The following FOXP1 variants were observed in gnomAD, a reference collection of about 807,000 sequenced individuals.
FOXP1 encodes forkhead box P1.
Under a neutral mutation model 98.2 loss-of-function variants are expected in FOXP1, and 15 were observed. That is an observed-to-expected ratio of 0.15 (90% CI 0.10 to 0.24). FOXP1 has a LOEUF of 0.24. FOXP1 is among the 10% of genes least tolerant of loss of function. The probability of loss-of-function intolerance (pLI) is 1.00; values close to 1 mark genes in which losing one functional copy is unlikely to be tolerated. For synonymous variants in FOXP1, 371 were observed against 314.5 expected (o/e 1.18, Z -1.90); for missense variants, 633 against 848.5 (o/e 0.75, Z 3.15).
At chr3:71,311,309 C>T (rs544168985) in intron 4 of FOXP1, among the ~76,000 whole-genome samples, 8 of 152,216 alleles carry the variant, frequency 5.3e-5, no homozygotes, top group Admixed American at 2.6e-4. Flanking sequence ...AGGCTGGTGT[C>T]GAATTCCTGG....
intron 2 of FOXP1, among the ~76,000 whole-genome samples, chr3:71,555,138 A>G (rs1046840733): frequency 6.6e-6 from 1 of 152,244 alleles, no homozygotes; most frequent in Non-Finnish European, 1.5e-5. Context: ...TGACAAAACC[A>G]TAAAACCTAC....
chr3:71,543,624 T>C (rs539945931), intron 2 of FOXP1: 1 of 152,372 alleles, frequency 6.6e-6, no homozygotes, highest in Admixed American at 6.5e-5. Context: ...TACGTGACTC[T>C]CAGCTAGCCG....
chr3:71,486,969 G>C (rs1348082456), intron 3 of FOXP1, among the ~76,000 whole-genome samples: 1 of 152,094 alleles, frequency 6.6e-6, no homozygotes, highest in Admixed American at 6.5e-5. Context: ...TAAGAAACTT[G>C]CCCTGCACCG....
chr3:71,317,799 G>A lies in FOXP1; in HGVS notation c.-72-17919C>T, dbSNP rs535531354. Among the ~76,000 whole-genome samples the A allele has an allele frequency of 2.6e-5, 4 of 151,188 alleles. No homozygotes were observed. The South Asian group carries it at 8.4e-4, about 32-fold the overall frequency. On this transcript the variant is annotated intron_variant, in intron 4 of 20. Transcript: ENST00000649528. ...GTCCCAAAGAACATATGTTCCTGAG[G>A]AAGAAAAAAAACCAGGCTCTAGAAC...
intron 11 of FOXP1, among the ~76,000 whole-genome samples, chr3:71,030,754 C>A (rs1265001415): frequency 2.0e-5 from 3 of 152,120 alleles, no homozygotes; most frequent in African/African-American, 7.2e-5. Flanking sequence ...TCTGTACAGT[C>A]CTCTAATTTA....
At chr3:71,313,330 A>AT (rs2074838112) in intron 4 of FOXP1, among the ~76,000 whole-genome samples, 2 of 151,824 alleles carry the variant, frequency 1.3e-5, no homozygotes, top group Admixed American at 1.3e-4. Context: ...AAGTGCTGGG[A>AT]TTACAGGCGT....
chr3:71,406,405 G>GTATGTGTATATATATATATA (rs2082336447), intron 3 of FOXP1, among the ~76,000 whole-genome samples: 1 of 105,948 alleles, frequency 9.4e-6, no homozygotes. Context: ...AACTGTATGT[G>GTATGTGTATATATATATATA]TATATATATA....
rs578153723 is a variant in FOXP1 at position 71,446,322 on chromosome 3, T to C, written c.-168+47104A>G. Among the ~76,000 whole-genome samples the C allele has an allele frequency of 1.1e-4, 16 of 152,184 alleles. No individual in the cohort carries two copies. The East Asian group carries it at 2.3e-3, about 22-fold the overall frequency. On this transcript the variant is annotated intron_variant, in intron 3 of 20. Transcript: ENST00000649528. Reference sequence around the variant, plus strand: ...CTGGTTGCAGATGGAGGTAATATAATATGTTGTTGGCAGCCCAGGAGGAAA... The same window carrying C: ...CTGGTTGCAGATGGAGGTAATATAACATGTTGTTGGCAGCCCAGGAGGAAA...
intron 2 of FOXP1, chr3:71,581,165 A>G (rs1490996382): frequency 1.0e-6 from 1 of 984,578 alleles, no homozygotes; most frequent in East Asian, 1.1e-4. Context: ...ATGAGCCCAG[A>G]CTAAATCAAT....
chr3:71,454,802 A>AAC (rs1553888918), intron 3 of FOXP1, among the ~76,000 whole-genome samples: 7 of 99,040 alleles, frequency 7.1e-5, no homozygotes, highest in Middle Eastern at 4.4e-3. Context: ...TTTAAAAAAA[A>AAC]AAACAAAAAA....
chr3:71,326,052 CTCTT>C (rs2075671203), intron 4 of FOXP1, among the ~76,000 whole-genome samples: 2 of 152,040 alleles, frequency 1.3e-5, no homozygotes, highest in South Asian at 4.1e-4. Flanking sequence ...GCATATTACT[CTCTT>C]TCTTGCTTTC....
At chr3:71,227,022 T>A (rs2065896670) in intron 5 of FOXP1, among the ~76,000 whole-genome samples, 1 of 152,112 alleles carries the variant, frequency 6.6e-6, no homozygotes, top group Non-Finnish European at 1.5e-5. Flanking sequence ...TTCGTGGTAA[T>A]GGCGGTGCCG....
rs766397545 is a variant in FOXP1, at chr3:71,198,062, G to C, written c.180+140C>G. On this transcript the variant is annotated intron_variant, in intron 6 of 20. Coordinates refer to ENST00000649528, the MANE Select transcript of FOXP1 (RefSeq NM_001349338.3). The stretch of plus-strand genomic sequence containing the variant: ...CTCCTAGAGGGCTGATGGTTTATGA[G>C]ATGCCACTGACAGACAGAAAGACAG... 7 of 1,614,224 alleles carry C rather than the reference G, an allele frequency of 4.3e-6. No homozygotes were observed. The East Asian group carries it at 1.3e-4, about 31-fold the overall frequency.
At chr3:71,205,631 C>T (rs1405948094) in intron 5 of FOXP1, among the ~76,000 whole-genome samples, 3 of 152,152 alleles carry the variant, frequency 2.0e-5, no homozygotes, top group Non-Finnish European at 4.4e-5. Context: ...AGTGAGGAGT[C>T]GGGCCTCCCC....
At chr3:71,120,539 C>G (rs1241679015) in intron 6 of FOXP1, among the ~76,000 whole-genome samples, 1 of 152,168 alleles carries the variant, frequency 6.6e-6, no homozygotes, top group Non-Finnish European at 1.5e-5. Context: ...AAAATCAGAG[C>G]AGAGATAACT....
intron 19 of FOXP1, among the ~76,000 whole-genome samples, chr3:70,967,687 G>GTTTTTTTTTTTTTTTT (rs67711426): frequency 3.6e-4 from 22 of 61,340 alleles, no homozygotes; most frequent in Non-Finnish European, 4.9e-4. Flanking sequence ...ACTATTATTT[G>GTTTTTTTTTTTTTTTT]TTTTTTTTTT....
At position 71,396,980 on chromosome 3, in the gene FOXP1, ATG is replaced by A. The variant is rs1199462820; in HGVS notation, c.-167-37738_-167-37737del. 1.8e-4 allele frequency among the ~76,000 whole-genome samples: 5 copies of A among 27,376 alleles called. 2 individuals carry two copies. Among genetic ancestry groups the A allele is most frequent in the Non-Finnish European group, 4.4e-4 (5 of 11,348 alleles). 18.0% of individuals were successfully genotyped at this position (27,376 alleles called of 152,430 possible). On this transcript the variant is annotated intron_variant, in intron 3 of 20. Coordinates refer to ENST00000649528, the MANE Select transcript of FOXP1 (RefSeq NM_001349338.3). ...TATATATATGTGTGTATATATATAT[ATG>A]TGTATATATATACACATATATATGT...
intron 4 of FOXP1, among the ~76,000 whole-genome samples, chr3:71,318,112 A>C (rs1211529549): frequency 6.6e-6 from 1 of 151,730 alleles, no homozygotes; most frequent in Non-Finnish European, 1.5e-5. Flanking sequence ...TAAAAAATGT[A>C]GTGATAAACA....
intron 4 of FOXP1, among the ~76,000 whole-genome samples, chr3:71,306,458 G>A (rs2074279872): frequency 6.6e-6 from 1 of 151,702 alleles, no homozygotes; most frequent in South Asian, 2.1e-4. Flanking sequence ...TATACGTCTC[G>A]TTTCTCTGCT....
Sources: gnomAD v4.1 joint callset for allele counts (sites outside exome capture counted in the v4.1 genomes callset) on GRCh38, gnomAD v4.1.1 for gene constraint, MANE v1.5 for transcripts, NCBI Gene and HGNC (gene_info 2026-07-23, HGNC 2026-07-21) for gene names.